The following FARP2 variants were observed in gnomAD, a reference collection of about 807,000 sequenced individuals.
FARP2 encodes the protein FERM, ARHGEF and pleckstrin domain-containing protein 2.
A neutral mutation model predicts 130.5 loss-of-function variants in FARP2; 111 were observed. The ratio of observed to expected loss-of-function variants is 0.85; its 90% confidence interval spans 0.73 to 1.00. The LOEUF (loss-of-function observed/expected upper bound fraction) is 1.00, where lower values mean the gene tolerates loss of function less well. Ranked by LOEUF, FARP2 falls within the 50% of genes least tolerant of loss-of-function variation. FARP2 has a pLI of 0.00. For synonymous variants in FARP2, 504 were observed against 516.9 expected (o/e 0.98, Z 0.34); for missense variants, 1,385 against 1,346.3 (o/e 1.03, Z -0.45).
chr2:241,402,241 G>C (rs1201081659), intron 2 of FARP2, among the ~76,000 whole-genome samples: 4 of 152,168 alleles, frequency 2.6e-5, no homozygotes, highest in South Asian at 2.1e-4. Flanking sequence ...CAAATTATCA[G>C]GTCATATGAA....
At chr2:241,445,607 A>G (rs2063495367) in intron 13 of FARP2, 1 of 152,238 alleles carries the variant, frequency 6.6e-6, no homozygotes, top group Non-Finnish European at 1.5e-5. Context: ...GCTCTTCTTC[A>G]AGCCAGTGTT....
At chr2:241,414,302 G>T (rs1476807351) in intron 7 of FARP2, among the ~76,000 whole-genome samples, 1 of 152,334 alleles carries the variant, frequency 6.6e-6, no homozygotes, top group Non-Finnish European at 1.5e-5. Context: ...ATGGGAAAGG[G>T]CTCTGGGCTC....
rs192989209 is a variant in FARP2 at position 241,416,400 on chromosome 2, T to C, written c.624-1562T>C. Among the ~76,000 whole-genome samples the C allele has an allele frequency of 2.7e-3, 418 of 152,306 alleles. 10 individuals are homozygous for C. In the South Asian group the frequency reaches 0.058, roughly 21 times the overall value. On this transcript the variant is annotated intron_variant, in intron 7 of 26. Coordinates refer to ENST00000264042, the MANE Select transcript of FARP2 (RefSeq NM_014808.4). ...CCTTCACTGTGTTAATTTGAGACTG[T>C]GTCTGTCACAGTCACCACAGCTTCG... is the stretch of plus-strand genomic sequence containing the variant.
intron 1 of FARP2, among the ~76,000 whole-genome samples, chr2:241,360,937 G>T (rs530905856): frequency 6.6e-6 from 1 of 151,156 alleles, no homozygotes; most frequent in South Asian, 2.1e-4. Context: ...TCACATAGAC[G>T]TATTTGCTGT....
chr2:241,474,317 CAAAAAAAAAAAAAAAAAAAAAAA>C (rs56128645), intron 18 of FARP2, among the ~76,000 whole-genome samples: 3 of 46,654 alleles, frequency 6.4e-5, no homozygotes, highest in African/African-American at 8.8e-5. Context: ...GATTCCGTCT[CAAAAAAAAAAAAAAAAAAAAAAA>C]AAAAAAAAAA....
intron 2 of FARP2, among the ~76,000 whole-genome samples, chr2:241,374,292 T>C (rs1173311236): frequency 6.6e-6 from 1 of 152,206 alleles, no homozygotes; most frequent in Non-Finnish European, 1.5e-5. Flanking sequence ...ATTATAGGTG[T>C]AAGCCACCGT....
At position 241,362,248 on chromosome 2, in the gene FARP2, A is replaced by G. The variant is rs572873230; in HGVS notation, c.-25+5860A>G. On this transcript the variant is annotated intron_variant, in intron 1 of 26. Coordinates refer to ENST00000264042, the MANE Select transcript of FARP2 (RefSeq NM_014808.4). ...CTTTGTTAGTATAGTAGTTAATAAGATGAATGTTGGAAAACAAGTATCAGT... is the reference window on the plus strand; with the variant it reads ...CTTTGTTAGTATAGTAGTTAATAAGGTGAATGTTGGAAAACAAGTATCAGT... Among the ~76,000 whole-genome samples, 10 of 152,212 alleles carry G rather than the reference A, an allele frequency of 6.6e-5. No homozygotes were observed. In the South Asian group the frequency reaches 2.1e-3, roughly 32 times the overall value.
intron 1 of FARP2, among the ~76,000 whole-genome samples, chr2:241,371,039 C>T (rs1170744420): frequency 2.0e-5 from 3 of 152,066 alleles, no homozygotes; most frequent in East Asian, 3.9e-4. Flanking sequence ...TTGCTTCTCC[C>T]GGAGGATTTA....
At chr2:241,377,606 G>A (rs2061568877) in intron 2 of FARP2, among the ~76,000 whole-genome samples, 1 of 152,152 alleles carries the variant, frequency 6.6e-6, no homozygotes, top group Non-Finnish European at 1.5e-5. Flanking sequence ...GCCTCCCATA[G>A]TGCTGGGATT....
At chr2:241,422,664 A>G (rs1327643081) in intron 8 of FARP2, among the ~76,000 whole-genome samples, 3 of 152,208 alleles carry the variant, frequency 2.0e-5, no homozygotes, top group Non-Finnish European at 4.4e-5. Flanking sequence ...AAGGTGGGTA[A>G]TAATGAACTT....
chr2:241,469,541 T>C (rs1457589264), intron 18 of FARP2, among the ~76,000 whole-genome samples: 3 of 152,270 alleles, frequency 2.0e-5, no homozygotes. Flanking sequence ...GACGATTCTC[T>C]TTCTTTTCAT....
Position 241,484,278 on chromosome 2 carries a change from G to A in FARP2, c.2368G>A (p.Ala790Thr), listed in dbSNP as rs1444770319. The A allele has an allele frequency of 4.3e-6, 7 of 1,614,060 alleles. No individual in the cohort carries two copies. The highest frequency in any genetic ancestry group is 4.2e-6 in the Non-Finnish European group (5 of 1,180,020). The change falls in exon 21 of 27, where the codon GCA becomes ACA. Residue 790 changes from alanine to threonine, a missense_variant. Ala to Thr is a moderately conservative substitution (Grantham distance 58). Transcript: ENST00000264042. ...GTTGCTGTACACAAGCAAAGGAGTT[G>A]CAGGGACCAGCCACTTCCGGATCCG... ...DMLLYTSKGV[A>T]GTSHFRIRGL...
chr2:241,484,850 G>A (rs2064712571), intron 21 of FARP2, among the ~76,000 whole-genome samples: 2 of 152,162 alleles, frequency 1.3e-5, no homozygotes, highest in African/African-American at 2.4e-5. Context: ...CTTTCATGCA[G>A]CTCTAGAGGC....
intron 3 of FARP2, 45 bp downstream of exon 3, chr2:241,403,977 T>C (rs1382512338): frequency 1.9e-6 from 2 of 1,036,122 alleles, no homozygotes; most frequent in Non-Finnish European, 3.0e-6. Context: ...TTGGGCCTGC[T>C]GTGATGACAG....
At chr2:241,493,651 G>GTGAT (rs1319260871) in intron 26 of FARP2, 36 of 584,314 alleles carry the variant, frequency 6.2e-5, no homozygotes, top group Non-Finnish European at 1.1e-4. Context: ...CTGGAGTGCA[G>GTGAT]TGATACAATC....
Position 241,494,078 on chromosome 2 carries a change from C to T in FARP2, c.3118C>T (p.Gln1040Ter). Reference protein sequence around the residue: ...RAPSIVQDGPQPSSGLEGMVR... With the variant: ...RAPSIVQDGP ...CCCAAGCATCGTGCAGGATGGCCCCCAACCCTCCTCAGGGCTGGAGGGGAT... is the reference window on the plus strand; with the variant it reads ...CCCAAGCATCGTGCAGGATGGCCCCTAACCCTCCTCAGGGCTGGAGGGGAT... The change falls in exon 27 of 27, where the codon CAA becomes TAA. Residue 1040 changes from glutamine (Q) to a stop codon, truncating the protein, a stop_gained. Coordinates refer to ENST00000264042, the MANE Select transcript of FARP2 (RefSeq NM_014808.4). LOFTEE classifies it low-confidence loss of function (END_TRUNC). This position sits in a 1 kb window ranked among gnomAD's most constrained non-coding sequence, Gnocchi z 4.9. 1 of 1,449,850 alleles carries T rather than the reference C, an allele frequency of 6.9e-7. No homozygotes were observed. The highest frequency in any genetic ancestry group is 9.0e-7 in the Non-Finnish European group (1 of 1,105,458). The allele number at this position is 1,449,850 out of a possible 1,614,324, so 89.8% of individuals were successfully genotyped here.
intron 24 of FARP2, among the ~76,000 whole-genome samples, chr2:241,492,037 C>G (rs1346028070): frequency 6.6e-6 from 1 of 152,212 alleles, no homozygotes; most frequent in Non-Finnish European, 1.5e-5. Context: ...GCTCGAGGCT[C>G]TGCCCAGGCA....
chr2:241,428,149 TTGA>T (rs2063001768), intron 8 of FARP2, among the ~76,000 whole-genome samples: 1 of 152,140 alleles, frequency 6.6e-6, no homozygotes, highest in Non-Finnish European at 1.5e-5. Flanking sequence ...TTTCCTTTTG[TTGA>T]TGTTTTGTTT....
intron 1 of FARP2, among the ~76,000 whole-genome samples, chr2:241,364,327 C>G (rs951537234): frequency 6.6e-6 from 1 of 152,242 alleles, no homozygotes; most frequent in African/African-American, 2.4e-5. Context: ...CCCACACAGA[C>G]TTGAATGAGC....
Sources: gnomAD v4.1 joint callset for allele counts (sites outside exome capture counted in the v4.1 genomes callset) on GRCh38, gnomAD v4.1.1 for gene constraint, Gnocchi (gnomAD v3.1) non-coding constraint, MANE v1.5 for transcripts, NCBI Gene and HGNC (gene_info 2026-07-23, HGNC 2026-07-21) for gene names.